TRANK1: variants seen among roughly 807,000 people sequenced by gnomAD.
The protein encoded by TRANK1 is tetratricopeptide repeat and ankyrin repeat containing 1.
In TRANK1, 198 loss-of-function variants were observed where a neutral mutation model predicts 266.0. That is an observed-to-expected ratio of 0.74 (90% CI 0.66 to 0.84). The LOEUF is 0.84. Among genes scored for constraint, TRANK1 ranks in the 40% least tolerant of loss-of-function variants. The pLI is 0.00. For synonymous variants in TRANK1, 1,396 were observed against 1,384.1 expected, an observed-to-expected ratio of 1.01 and a Z score of -0.19; for missense variants, 3,326 against 3,634.6, an observed-to-expected ratio of 0.92 and a Z score of 2.18.
intron 22 of TRANK1, among the ~76,000 whole-genome samples, chr3:36,830,183 T>G (rs1455147075): frequency 6.6e-6 from 1 of 152,036 alleles, no homozygotes; most frequent in Non-Finnish European, 1.5e-5. Context: ...TGCATGGTGA[T>G]AGTCACCTGT....
intron 1 of TRANK1, among the ~76,000 whole-genome samples, chr3:36,914,624 A>T (rs1185792192): frequency 6.6e-6 from 1 of 151,066 alleles, no homozygotes; most frequent in Admixed American, 6.6e-5. Context: ...ACATTTTTCT[A>T]GATTATTTAT....
intron 10 of TRANK1, among the ~76,000 whole-genome samples, chr3:36,863,291 G>C (rs1010323558): frequency 6.6e-6 from 1 of 152,116 alleles, no homozygotes; most frequent in African/African-American, 2.4e-5. Context: ...GCTTTTATGA[G>C]ATTTTTACCA....
Position 36,835,359 on chromosome 3 carries a change from A to G in TRANK1, c.5518-452T>C, listed in dbSNP as rs376908980. ...AAAAAAAAAAAACCCTGTAACATAGATAATGTTAGGAAAACCAATTATTTA... is the reference window on the plus strand; with the variant it reads ...AAAAAAAAAAAACCCTGTAACATAGGTAATGTTAGGAAAACCAATTATTTA... On this transcript the variant is annotated intron_variant, in intron 20 of 23. Transcript: ENST00000645898. 9.9e-5 allele frequency among the ~76,000 whole-genome samples: 15 copies of G among 151,062 alleles called. No homozygotes were observed. The South Asian group carries it at 3.1e-3, about 31-fold the overall frequency.
chr3:36,930,736 A>T (rs1453354126), intron 1 of TRANK1, among the ~76,000 whole-genome samples: 1 of 152,242 alleles, frequency 6.6e-6, no homozygotes, highest in Non-Finnish European at 1.5e-5. Context: ...ATGACATTCT[A>T]TAACAGGCAA....
intron 18 of TRANK1, among the ~76,000 whole-genome samples, chr3:36,841,151 G>A (rs1338950874): frequency 6.6e-6 from 1 of 152,128 alleles, no homozygotes; most frequent in Admixed American, 6.5e-5. Context: ...CCTTTACTCA[G>A]GCCCAACTCC....
At chr3:36,858,177 A>G (rs2125547726) in intron 12 of TRANK1, 128 bp from the exon 13 acceptor site, 2 of 772,546 alleles carry the variant, frequency 2.6e-6, no homozygotes, top group Non-Finnish European at 4.0e-6. Flanking sequence ...AAAATCTGAA[A>G]TCCATTAAAG....
At chr3:36,922,422 G>T (rs891940656) in intron 1 of TRANK1, among the ~76,000 whole-genome samples, 1 of 152,120 alleles carries the variant, frequency 6.6e-6, no homozygotes, top group African/African-American at 2.4e-5. Flanking sequence ...TGGCCAATGT[G>T]GTGGAACCCT....
intron 1 of TRANK1, among the ~76,000 whole-genome samples, chr3:36,925,784 C>T (rs1330080407): frequency 6.6e-6 from 1 of 152,056 alleles, no homozygotes; most frequent in East Asian, 1.9e-4. Context: ...TGGGGTTTCA[C>T]CATGTTGGCC....
intron 15 of TRANK1, chr3:36,850,244 C>T (rs2078968846): frequency 1.0e-6 from 1 of 985,354 alleles, no homozygotes; most frequent in Non-Finnish European, 1.2e-6. Context: ...AAAATGGTTC[C>T]AGGGTTAATG....
At chr3:36,850,558 C>G in intron 15 of TRANK1, 7 of 954,316 alleles carry the variant, frequency 7.3e-6, no homozygotes, top group Non-Finnish European at 7.5e-6. Context: ...TACTTAAGGC[C>G]AGGAGTTTGA....
At chr3:36,945,407 C>T (rs2080559264), upstream of TRANK1, among the ~76,000 whole-genome samples, 1 of 152,166 alleles carries the variant, frequency 6.6e-6, no homozygotes, top group Admixed American at 6.5e-5. Flanking sequence ...GGAGAACAAG[C>T]CCCCTAGCTC....
intron 1 of TRANK1, among the ~76,000 whole-genome samples, chr3:36,934,334 C>T (rs781284828): frequency 4.6e-5 from 7 of 152,200 alleles, no homozygotes; most frequent in Non-Finnish European, 1.0e-4. Context: ...AGGCAGAAAG[C>T]GGGGCTCCTA....
chr3:36,908,408 G>T lies in TRANK1; in HGVS notation c.70C>A (p.Gln24Lys). The T allele has an allele frequency of 8.1e-7, 1 of 1,232,226 alleles. No homozygotes were observed. The highest frequency in any genetic ancestry group is 1.0e-6 in the Non-Finnish European group (1 of 988,014). 76.3% of individuals were successfully genotyped at this position (1,232,226 alleles called of 1,614,324 possible). The part of the protein sequence containing the change: ...YAELLKESGN[Q>K]VLKNGNFSLA... ...GAGAAGTTCCCATTCTTAAGAACCT[G>T]GTTGCCGGATTCTTTCAGCAGCTCA... Residue 24 changes from glutamine to lysine, a missense_variant, in exon 2 of 24, where the codon CAG becomes AAG. Physicochemically the swap from Gln to Lys is moderately conservative, Grantham distance 53. Transcript: ENST00000645898.
chr3:36,899,150 G>T lies in TRANK1; in HGVS notation c.392C>A (p.Pro131Gln). The change falls in exon 4 of 24, where the codon CCG (proline) becomes CAG (glutamine). Residue 131 changes from proline to glutamine, a missense_variant. By Grantham distance (76) the Pro-to-Gln change is moderately conservative. Transcript: ENST00000645898. ...GACTCCAACAAGGAAATCAGCAACC[G>T]GTGCCTGGTCTTGGCTTCTCTGCAC... is the stretch of plus-strand genomic sequence containing the variant. ...RLVQRSQDQA[P>Q]VADFLVGVFT... The T allele has an allele frequency of 6.5e-7, 1 of 1,537,260 alleles. No homozygotes were observed. Among genetic ancestry groups the T allele is most frequent in the Non-Finnish European group, 8.7e-7 (1 of 1,146,928 alleles).
At chr3:36,838,813 A>G in intron 18 of TRANK1, 97 bp from the exon 19 acceptor site, 1 of 1,237,432 alleles carries the variant, frequency 8.1e-7, no homozygotes, top group Non-Finnish European at 1.1e-6. Flanking sequence ...CTGACAAAAC[A>G]TGAAGTCTTG....
chr3:36,886,992 C>T (rs1051195439), intron 8 of TRANK1, among the ~76,000 whole-genome samples: 17 of 148,358 alleles, frequency 1.1e-4, no homozygotes, highest in Non-Finnish European at 1.6e-4. Context: ...CTGGAAGTTC[C>T]GCTTCCTGGG....
In TRANK1 at chr3:36,851,876, C is replaced by T. The variant is rs1472406933; in HGVS notation, c.4750-20G>A. On this transcript the variant is annotated intron_variant, in intron 14 of 23. Coordinates refer to ENST00000645898, the MANE Select transcript of TRANK1 (RefSeq NM_001329998.2). ...GATTACCTGAAGAAAAACAAAAGAA[C>T]ATCAAATTCTACAGAGAAAACCCCA... The T allele has an allele frequency of 1.3e-6, 2 of 1,573,562 alleles. No homozygotes were observed. The highest frequency in any genetic ancestry group is 1.2e-5 in the South Asian group (1 of 84,590).
At chr3:36,873,061 C>T (rs1280134543) in intron 9 of TRANK1, among the ~76,000 whole-genome samples, 1 of 152,110 alleles carries the variant, frequency 6.6e-6, no homozygotes, top group East Asian at 1.9e-4. Context: ...CCATAGATAT[C>T]GATGAACATA....
chr3:36,901,405 T>TATAC (rs1482598136), intron 3 of TRANK1, among the ~76,000 whole-genome samples: 1 of 152,130 alleles, frequency 6.6e-6, no homozygotes, highest in Non-Finnish European at 1.5e-5. Flanking sequence ...TTCCCACATA[T>TATAC]ATACACCTTC....
Sources: gnomAD v4.1 joint callset for allele counts (sites outside exome capture counted in the v4.1 genomes callset) on GRCh38, gnomAD v4.1.1 for gene constraint, MANE v1.5 for transcripts, NCBI Gene and HGNC (gene_info 2026-07-23, HGNC 2026-07-21) for gene names.